The following ARF4 variants were observed in gnomAD, a reference collection of about 807,000 sequenced individuals.
ARF4 encodes ADP-ribosylation factor 4.
A neutral mutation model predicts 24.3 loss-of-function variants in ARF4; 5 were observed. The ratio of observed to expected loss-of-function variants is 0.21; its 90% CI spans 0.11 to 0.43. ARF4 has a LOEUF of 0.43. Among genes scored for constraint, ARF4 ranks in the 20% least tolerant of loss-of-function variants. The pLI, the probability that ARF4 is intolerant of heterozygous loss-of-function variation, is 1.00. For missense variants in ARF4, 107 were observed against 213.0 expected (o/e 0.50, Z 3.10); for synonymous variants, 62 against 73.5 (o/e 0.84, Z 0.80).
chr3:57,575,908 C>T (rs1335221851), intron 4 of ARF4, among the ~76,000 whole-genome samples: 1 of 152,180 alleles, frequency 6.6e-6, no homozygotes, highest in Non-Finnish European at 1.5e-5. Context: ...TCATCCTACA[C>T]CCCATTAAAT....
chr3:57,589,820 C>A (rs889774593), intron 1 of ARF4, among the ~76,000 whole-genome samples: 1 of 151,910 alleles, frequency 6.6e-6, no homozygotes, highest in Admixed American at 6.6e-5. Flanking sequence ...CAGCCGGGCA[C>A]GGTGGCTCAC....
chr3:57,572,427 A>C, intron 5 of ARF4, 129 bp from the exon 6 acceptor site: 2 of 664,002 alleles, frequency 3.0e-6, no homozygotes, highest in Non-Finnish European at 5.0e-6. Flanking sequence ...CCCATATTTA[A>C]AGCTACTTCT....
intron 3 of ARF4, 90 bp from the exon 4 acceptor site, chr3:57,577,477 G>A: frequency 1.1e-6 from 1 of 951,490 alleles, no homozygotes; most frequent in Non-Finnish European, 1.7e-6. Context: ...CCAATGGTTA[G>A]ACATTAGGAA....
chr3:57,578,134 G>C (rs2069928708), intron 3 of ARF4, among the ~76,000 whole-genome samples: 1 of 152,036 alleles, frequency 6.6e-6, no homozygotes, highest in African/African-American at 2.4e-5. Context: ...ATAAAAGGGG[G>C]GTGGGATAGC....
chr3:57,573,119 A>G (rs923153874), intron 5 of ARF4, among the ~76,000 whole-genome samples: 9 of 151,462 alleles, frequency 5.9e-5, no homozygotes, highest in South Asian at 4.2e-4. Flanking sequence ...GGAGAATGGC[A>G]TGAACCCAGA....
At chr3:57,577,653 T>C (rs1289345606) in intron 3 of ARF4, among the ~76,000 whole-genome samples, 1 of 152,222 alleles carries the variant, frequency 6.6e-6, no homozygotes, top group African/African-American at 2.4e-5. Flanking sequence ...TGTATCTATT[T>C]TTCCCCTTCC....
chr3:57,593,091 T>C (rs2070134716), intron 1 of ARF4, among the ~76,000 whole-genome samples: 1 of 152,084 alleles, frequency 6.6e-6, no homozygotes, highest in Admixed American at 6.6e-5. Context: ...TAGTCCTAGC[T>C]ACTCCAGAGC....
At chr3:57,578,147 G>A (rs570212776) in intron 3 of ARF4, among the ~76,000 whole-genome samples, 8 of 152,232 alleles carry the variant, frequency 5.3e-5, no homozygotes, top group South Asian at 2.1e-4. Context: ...GGGATAGCGC[G>A]AGTGTGTACA....
chr3:57,596,860 GCCCTGT>G (rs1297328544), intron 1 of ARF4: 1 of 558,980 alleles, frequency 1.8e-6, no homozygotes, highest in Non-Finnish European at 3.2e-6. Flanking sequence ...CTTGCCCGAA[GCCCTGT>G]CCCTGTCTCG....
chr3:57,581,200 CT>C (rs1559784229), intron 3 of ARF4, among the ~76,000 whole-genome samples: 2 of 152,100 alleles, frequency 1.3e-5, no homozygotes, highest in Non-Finnish European at 2.9e-5. Flanking sequence ...GCTATAGTTT[CT>C]TTTAAATTTT....
rs2069846775 is a variant in ARF4, at chr3:57,571,927, AATTT to A, written c.*281_*284del. 3.5e-6 allele frequency: 1 copy of A among 285,778 alleles called. No homozygotes were observed. The highest frequency in any genetic ancestry group is 6.5e-6 in the Non-Finnish European group (1 of 153,034). 17.7% of individuals were successfully genotyped at this position (285,778 alleles called of 1,614,324 possible). A position where few individuals can be genotyped will look rare whatever the true frequency, so the allele number is the denominator to read the frequency against. ...CTGGGGCTCAAAAAACACTCAAAAC[AATTT>A]ATTTAAAGGTTGCACAAGAGCTATG... On this transcript the variant is annotated 3_prime_UTR_variant, in exon 6 of 6. Coordinates refer to ENST00000303436, the MANE Select transcript of ARF4 (RefSeq NM_001660.4).
At chr3:57,590,435 G>C (rs972308322) in intron 1 of ARF4, among the ~76,000 whole-genome samples, 6 of 152,096 alleles carry the variant, frequency 3.9e-5, no homozygotes, top group African/African-American at 1.4e-4. Flanking sequence ...GTAGTGAGCC[G>C]AGATTGCGCC....
chr3:57,577,930 C>T (rs2069926109), intron 3 of ARF4, among the ~76,000 whole-genome samples: 1 of 151,930 alleles, frequency 6.6e-6, no homozygotes, highest in Non-Finnish European at 1.5e-5. Flanking sequence ...TGGTGCATGC[C>T]TTTAGTCCCA....
chr3:57,574,878 C>T (rs920311662), intron 5 of ARF4, among the ~76,000 whole-genome samples: 3 of 145,934 alleles, frequency 2.1e-5, no homozygotes, highest in South Asian at 2.2e-4. Context: ...GACCGAGTTT[C>T]GCTCTTGTTG....
chr3:57,579,370 C>G (rs1390366975), intron 3 of ARF4, among the ~76,000 whole-genome samples: 1 of 151,564 alleles, frequency 6.6e-6, no homozygotes, highest in African/African-American at 2.4e-5. Flanking sequence ...TCACTGCAAA[C>G]CCCTCCTCCC....
intron 1 of ARF4, among the ~76,000 whole-genome samples, chr3:57,584,858 G>A (rs2070017168): frequency 6.6e-6 from 1 of 151,838 alleles, no homozygotes; most frequent in Admixed American, 6.6e-5. Context: ...CATTTTTTGG[G>A]GGGTGGAGGG....
At chr3:57,582,304 G>A (rs2069983747) in intron 3 of ARF4, among the ~76,000 whole-genome samples, 1 of 151,524 alleles carries the variant, frequency 6.6e-6, no homozygotes, top group Non-Finnish European at 1.5e-5. Flanking sequence ...GTGCAATGGT[G>A]TGATCTCGGC....
intron 1 of ARF4, among the ~76,000 whole-genome samples, chr3:57,586,493 C>A (rs1287086175): frequency 6.6e-6 from 1 of 152,166 alleles, no homozygotes; most frequent in East Asian, 1.9e-4. Context: ...CTGTACCCTA[C>A]CAAGAATAAC....
At chr3:57,587,548 T>C (rs2070054404) in intron 1 of ARF4, among the ~76,000 whole-genome samples, 1 of 152,068 alleles carries the variant, frequency 6.6e-6, no homozygotes, top group African/African-American at 2.4e-5. Context: ...AAATCATGTA[T>C]TACTTTTATG....
Sources: allele counts gnomAD v4.1 joint callset (sites outside exome capture counted in the v4.1 genomes callset), GRCh38; gene constraint gnomAD v4.1.1; transcripts MANE v1.5; gene names NCBI Gene and HGNC (gene_info 2026-07-23, HGNC 2026-07-21).